AP3B1: variants seen among roughly 807,000 people sequenced by gnomAD.
The protein encoded by AP3B1 is AP-3 complex subunit beta-1.
In AP3B1, 61 loss-of-function variants were observed where a neutral mutation model predicts 132.5. That is an observed-to-expected ratio of 0.46 (90% CI 0.37 to 0.57). The LOEUF is 0.57. Ranked by LOEUF, AP3B1 falls within the 20% of genes least tolerant of loss-of-function variation. The probability of loss-of-function intolerance (pLI) is 0.00; values close to 1 mark genes in which losing one functional copy is unlikely to be tolerated. For missense variants in AP3B1, 1,120 were observed against 1,289.4 expected (o/e 0.87, Z 2.01); for synonymous variants, 388 against 438.3 (o/e 0.89, Z 1.43).
intron 21 of AP3B1, among the ~76,000 whole-genome samples, chr5:78,099,418 T>G (rs190268716): frequency 6.6e-6 from 1 of 151,578 alleles, no homozygotes; most frequent in East Asian, 1.9e-4. Context: ...AAAAACAGAG[T>G]AGGATGAAAT....
rs1336582205 is a variant in AP3B1 at position 78,129,163 on chromosome 5, G to C, written c.1795C>G (p.Leu599Val). 2.5e-6 allele frequency: 4 copies of C among 1,613,252 alleles called. No homozygotes were observed. Among genetic ancestry groups the C allele is most frequent in the Non-Finnish European group, 2.5e-6 (3 of 1,179,498 alleles). ...AGCAGTGGTGCAGGCTTTTGTGCTA[G>C]GAATATTTTTTTGGCATATTTACTT... ...ALSKYAKKIF[L>V]AQKPAPLLES... is the part of the protein sequence containing the mutation. The change falls in exon 16 of 27, where the codon CTA becomes GTA. Residue 599 changes from leucine (L) to valine (V), a missense_variant. Leu to Val is a conservative substitution (Grantham distance 32). Coordinates refer to ENST00000255194, the MANE Select transcript of AP3B1 (RefSeq NM_003664.5).
chr5:78,173,742 T>G (rs894677421), intron 11 of AP3B1, among the ~76,000 whole-genome samples: 1 of 152,008 alleles, frequency 6.6e-6, no homozygotes, highest in African/African-American at 2.4e-5. Context: ...CTTGGTAGGT[T>G]GGGGAAGTTC....
intron 3 of AP3B1, among the ~76,000 whole-genome samples, chr5:78,233,237 C>CTTT (rs71613940): frequency 6.0e-4 from 84 of 139,318 alleles, no homozygotes; most frequent in Middle Eastern, 7.4e-3. Context: ...TTTCTTTTTT[C>CTTT]TTTTTTTTTT....
At chr5:78,039,792 AG>A (rs376101899) in intron 22 of AP3B1, among the ~76,000 whole-genome samples, 4,389 of 143,976 alleles carry the variant, frequency 0.03, 237 homozygotes, top group African/African-American at 0.11. Context: ...AAAAAAAAAA[AG>A]AAAAGAAAAG....
At chr5:78,070,207 G>C (rs1042625298) in intron 22 of AP3B1, among the ~76,000 whole-genome samples, 2 of 152,078 alleles carry the variant, frequency 1.3e-5, no homozygotes, top group Non-Finnish European at 2.9e-5. Flanking sequence ...AGGAGTTCAA[G>C]AACAGCCTGG....
rs764152445 is a variant in AP3B1, at chr5:78,141,150, G to C, written c.1643C>G (p.Ser548Cys). 1.2e-6 allele frequency: 2 copies of C among 1,613,440 alleles called. No individual in the cohort carries two copies. The highest frequency in any genetic ancestry group is 2.2e-5 in the East Asian group (1 of 44,836). Residue 548 changes from serine to cysteine, a missense_variant, in exon 15 of 27, where the codon TCC (serine) becomes TGC (cysteine). Transcript: ENST00000255194. The part of the protein sequence containing the change: ...NLGAKLYLTN[S>C]KQTKLLTQYI... ...CTAACATTTGCCTCTCACCTGTTTGGAGTTGGTTAAATACAATTTTGCTCC... is the reference window on the plus strand; with the variant it reads ...CTAACATTTGCCTCTCACCTGTTTGCAGTTGGTTAAATACAATTTTGCTCC...
chr5:78,177,236 A>T, intron 9 of AP3B1, 103 bp downstream of exon 9: 1 of 760,940 alleles, frequency 1.3e-6, no homozygotes, highest in Non-Finnish European at 2.2e-6. Context: ...ATTGATTAAA[A>T]TATAGTCAGA....
At chr5:78,046,349 T>C (rs899355569) in intron 22 of AP3B1, among the ~76,000 whole-genome samples, 9 of 152,200 alleles carry the variant, frequency 5.9e-5, no homozygotes, top group Admixed American at 1.3e-4. Flanking sequence ...AGCACGCCCC[T>C]TATGAGCATC....
intron 2 of AP3B1, among the ~76,000 whole-genome samples, chr5:78,249,234 G>A (rs550051201): frequency 1.1e-3 from 171 of 152,084 alleles, no homozygotes; most frequent in Non-Finnish European, 1.9e-3. Flanking sequence ...GCTGGGGAGC[G>A]GGGGCACCTG....
intron 12 of AP3B1, among the ~76,000 whole-genome samples, chr5:78,164,966 T>C (rs1404128140): frequency 6.6e-6 from 1 of 152,144 alleles, no homozygotes; most frequent in Non-Finnish European, 1.5e-5. Flanking sequence ...AATATAAAAG[T>C]CATAATACTG....
intron 1 of AP3B1, among the ~76,000 whole-genome samples, chr5:78,294,076 C>T (rs1005135861): frequency 6.6e-6 from 1 of 152,156 alleles, no homozygotes; most frequent in Non-Finnish European, 1.5e-5. Context: ...TCACCCTAAT[C>T]AGGGAATGTA....
chr5:78,244,980 C>A (rs1344031518), intron 2 of AP3B1, among the ~76,000 whole-genome samples: 2 of 151,500 alleles, frequency 1.3e-5, no homozygotes, highest in Non-Finnish European at 2.9e-5. Flanking sequence ...GGTGACAGAG[C>A]AAGACTCTGT....
intron 14 of AP3B1, among the ~76,000 whole-genome samples, chr5:78,153,962 C>G (rs959143997): frequency 6.6e-5 from 10 of 152,120 alleles, no homozygotes; most frequent in Admixed American, 1.3e-4. Flanking sequence ...TCTTTCTATT[C>G]AAGACATGAG....
At chr5:78,166,008 G>C (rs1743603333) in intron 11 of AP3B1, among the ~76,000 whole-genome samples, 2 of 151,178 alleles carry the variant, frequency 1.3e-5, no homozygotes, top group South Asian at 4.2e-4. Flanking sequence ...AACCCAGGAG[G>C]CAGAGGTTGC....
intron 1 of AP3B1, among the ~76,000 whole-genome samples, chr5:78,273,188 T>C (rs938700137): frequency 2.0e-5 from 3 of 152,096 alleles, no homozygotes; most frequent in Non-Finnish European, 4.4e-5. Context: ...GTGGATAGCT[T>C]GACCTCAGGA....
intron 11 of AP3B1, among the ~76,000 whole-genome samples, chr5:78,173,877 C>T (rs1166562599): frequency 6.6e-6 from 1 of 152,074 alleles, no homozygotes. Flanking sequence ...AGGCTTTGTT[C>T]ATTTCTTTTA....
intron 7 of AP3B1, among the ~76,000 whole-genome samples, chr5:78,204,596 T>C (rs758115681): frequency 3.2e-4 from 48 of 152,304 alleles, no homozygotes; most frequent in Non-Finnish European, 4.6e-4. Flanking sequence ...GGCATGTCCA[T>C]TGTTTACTCC....
rs144228096 is a variant in AP3B1 at position 78,204,742 on chromosome 5, C to T, written c.786+11313G>A. Among the ~76,000 whole-genome samples, 216 of 152,264 alleles carry T rather than the reference C, an allele frequency of 1.4e-3. 3 individuals are homozygous for T. The East Asian group carries it at 0.033, about 23-fold the overall frequency. On this transcript the variant is annotated intron_variant, in intron 7 of 26. Coordinates refer to ENST00000255194, the MANE Select transcript of AP3B1 (RefSeq NM_003664.5). ...CAAAACAAATAATCACACCTCTTTG[C>T]GAACAGAATCTACTCTGTTCCATCC... is the stretch of plus-strand genomic sequence containing the variant.
chr5:78,239,287 A>G (rs1747011968), intron 3 of AP3B1, among the ~76,000 whole-genome samples: 2 of 151,878 alleles, frequency 1.3e-5, no homozygotes, highest in African/African-American at 4.8e-5. Context: ...CCTGGGCAAC[A>G]TGGTGAAGCC....
Sources: gnomAD v4.1 joint callset for allele counts (sites outside exome capture counted in the v4.1 genomes callset) on GRCh38, gnomAD v4.1.1 for gene constraint, MANE v1.5 for transcripts, NCBI Gene and HGNC (gene_info 2026-07-23, HGNC 2026-07-21) for gene names.